Variants in RXFP2 observed in about 807,000 individuals in gnomAD.
The protein encoded by RXFP2 is relaxin receptor 2.
Under a neutral mutation model 88.6 loss-of-function variants are expected in RXFP2, and 68 were observed. The ratio of observed to expected loss-of-function variants is 0.77; its 90% CI spans 0.63 to 0.94. RXFP2 has a LOEUF of 0.94. Among genes scored for constraint, RXFP2 ranks in the 40% least tolerant of loss-of-function variants. The pLI is 0.00. For missense variants in RXFP2, 791 were observed against 893.9 expected, an observed-to-expected ratio of 0.88 and a Z score of 1.47; for synonymous variants, 329 against 306.8, an observed-to-expected ratio of 1.07 and a Z score of -0.76.
rs757767855 is a variant in RXFP2, at chr13:31,791,939, T to C, written c.1279T>C (p.Phe427Leu). The C allele has an allele frequency of 6.2e-7, 1 of 1,614,194 alleles. No individual in the cohort carries two copies. Among genetic ancestry groups the C allele is most frequent in the Non-Finnish European group, 8.5e-7 (1 of 1,180,004 alleles). ...CAGAATATTTGTCTGGGTTATAGCTTTCATTACCTGCTTTGGAAATCTTTT... is the reference window on the plus strand; with the variant it reads ...CAGAATATTTGTCTGGGTTATAGCTCTCATTACCTGCTTTGGAAATCTTTT... ...ILRIFVWVIA[F>L]ITCFGNLFVI... The change falls in exon 15 of 18, where the codon TTC becomes CTC. Residue 427 changes from phenylalanine (F) to leucine (L), a missense_variant. Physicochemically the swap from Phe to Leu is conservative, Grantham distance 22. Coordinates refer to ENST00000298386, the MANE Select transcript of RXFP2 (RefSeq NM_130806.5).
chr13:31,780,480 G>GA (rs1873214690), intron 9 of RXFP2, among the ~76,000 whole-genome samples: 1 of 152,174 alleles, frequency 6.6e-6, no homozygotes, highest in Non-Finnish European at 1.5e-5. Context: ...TATATTGTGT[G>GA]AAAAATGTAC....
intron 17 of RXFP2, among the ~76,000 whole-genome samples, chr13:31,800,555 G>A (rs1165359828): frequency 6.6e-6 from 1 of 152,206 alleles, no homozygotes; most frequent in Non-Finnish European, 1.5e-5. Flanking sequence ...CTGGGCGACA[G>A]AGTGAGACTC....
intron 1 of RXFP2, among the ~76,000 whole-genome samples, chr13:31,754,297 G>A (rs560275709): frequency 7.2e-5 from 11 of 152,354 alleles, no homozygotes; most frequent in South Asian, 2.1e-4. Context: ...TTGGGAGGCC[G>A]AAGCGGGTGG....
intron 5 of RXFP2, among the ~76,000 whole-genome samples, chr13:31,772,039 A>G (rs1872754275): frequency 6.6e-6 from 1 of 152,158 alleles, no homozygotes; most frequent in African/African-American, 2.4e-5. Flanking sequence ...TGTTTTTACC[A>G]TTGATCAGTT....
intron 1 of RXFP2, among the ~76,000 whole-genome samples, chr13:31,749,460 C>T (rs868104667): frequency 1.2e-4 from 19 of 152,296 alleles, no homozygotes; most frequent in African/African-American, 4.3e-4. Context: ...TCAACTTATC[C>T]ATTCCTACAC....
chr13:31,793,674 C>T (rs796695611), intron 16 of RXFP2, among the ~76,000 whole-genome samples: 38 of 152,138 alleles, frequency 2.5e-4, no homozygotes, highest in African/African-American at 8.9e-4. Context: ...AAATTTAGCC[C>T]TTTAAAGTTA....
intron 1 of RXFP2, among the ~76,000 whole-genome samples, chr13:31,740,748 T>A (rs1397784313): frequency 5.3e-5 from 8 of 152,020 alleles, no homozygotes; most frequent in Admixed American, 4.6e-4. Flanking sequence ...AATCTATATC[T>A]CCATGCACCT....
At chr13:31,743,502 T>C (rs537202955) in intron 1 of RXFP2, among the ~76,000 whole-genome samples, 1 of 151,990 alleles carries the variant, frequency 6.6e-6, no homozygotes, top group African/African-American at 2.4e-5. Context: ...GAATTGCGAT[T>C]GAAAATTTAA....
intron 16 of RXFP2, among the ~76,000 whole-genome samples, chr13:31,795,276 A>G (rs1873976288): frequency 6.6e-6 from 1 of 151,936 alleles, no homozygotes; most frequent in African/African-American, 2.4e-5. Context: ...CAGACTCCCA[A>G]GTAGCTGGGA....
intron 7 of RXFP2, among the ~76,000 whole-genome samples, chr13:31,776,110 C>CTTTCT (rs1555284079): frequency 1.4e-4 from 19 of 138,358 alleles, no homozygotes; most frequent in African/African-American, 4.7e-4. Context: ...TCTTTTCTTT[C>CTTTCT]TTTCTTTCTT....
chr13:31,802,072 C>T (rs1373279039), intron 17 of RXFP2, 74 bp from the exon 18 acceptor site: 19 of 1,457,614 alleles, frequency 1.3e-5, no homozygotes. Flanking sequence ...ATAGCATTGA[C>T]TGCAAAGTGT....
intron 1 of RXFP2, among the ~76,000 whole-genome samples, chr13:31,749,905 T>A: frequency 6.6e-6 from 1 of 152,204 alleles, no homozygotes; most frequent in East Asian, 1.9e-4. Context: ...CAACAATGAA[T>A]AGATATAGTA....
In RXFP2 at chr13:31,802,326, T is replaced by C; in HGVS notation, c.2186T>C (p.Ile729Thr). 1 of 1,612,886 alleles carries C rather than the reference T, an allele frequency of 6.2e-7. No individual in the cohort carries two copies. The highest frequency in any genetic ancestry group is 8.5e-7 in the Non-Finnish European group (1 of 1,178,870). ...KKSLSTSIVW[I>T]EDSSSLKLGV... ...AGTTTATCTACATCCATTGTGTGGATAGAGGACTCCTCTTCCCTGAAACTT... is the reference window on the plus strand; with the variant it reads ...AGTTTATCTACATCCATTGTGTGGACAGAGGACTCCTCTTCCCTGAAACTT... The change falls in exon 18 of 18, where the codon ATA becomes ACA. Residue 729 changes from isoleucine to threonine, a missense_variant. Transcript: ENST00000298386.
chr13:31,786,616 G>C lies in RXFP2; in HGVS notation c.1052G>C (p.Ser351Thr), dbSNP rs781765832. ...LMYLHKNQFE[S>T]LKQLQSLDLE... ...TATCTTCACAAGAACCAGTTTGAAAGTCTTAAACAACTTCAGTCTCTGTAA... is the reference window on the plus strand; with the variant it reads ...TATCTTCACAAGAACCAGTTTGAAACTCTTAAACAACTTCAGTCTCTGTAA... Residue 351 changes from serine to threonine, a missense_variant, in exon 13 of 18, where the codon AGT becomes ACT. Ser to Thr is a moderately conservative substitution (Grantham distance 58). Transcript: ENST00000298386. 1.4e-5 allele frequency: 22 copies of C among 1,598,466 alleles called. No homozygotes were observed. Among genetic ancestry groups the C allele is most frequent in the Non-Finnish European group, 1.9e-5 (22 of 1,166,890 alleles).
At chr13:31,798,630 G>A (rs1357799382) in intron 17 of RXFP2, among the ~76,000 whole-genome samples, 1 of 152,162 alleles carries the variant, frequency 6.6e-6, no homozygotes, top group Non-Finnish European at 1.5e-5. Flanking sequence ...AAAAGTGTCC[G>A]TTGGCCTCCA....
intron 16 of RXFP2, among the ~76,000 whole-genome samples, chr13:31,794,404 A>ACACACCCC (rs1464700526): frequency 8.7e-6 from 1 of 114,314 alleles, no homozygotes; most frequent in African/African-American, 3.1e-5. Context: ...ACACACACAC[A>ACACACCCC]CACACCATGA....
At chr13:31,781,632 C>A (rs759568752) in intron 9 of RXFP2, 39 bp from the exon 10 acceptor site, 3 of 1,436,864 alleles carry the variant, frequency 2.1e-6, no homozygotes, top group African/African-American at 2.8e-5. Context: ...ATGATTTGTA[C>A]AAAAAATATT....
At chr13:31,746,658 G>A (rs1415806053) in intron 1 of RXFP2, among the ~76,000 whole-genome samples, 14 of 152,096 alleles carry the variant, frequency 9.2e-5, no homozygotes, top group African/African-American at 3.1e-4. Context: ...TTTTTTATTC[G>A]ATTATAGCTC....
intron 6 of RXFP2, among the ~76,000 whole-genome samples, 188 bp from the exon 7 acceptor site, chr13:31,775,130 A>T (rs2138429698): frequency 6.6e-6 from 1 of 152,318 alleles, no homozygotes; most frequent in African/African-American, 2.4e-5. Flanking sequence ...GGTGTTGCAC[A>T]CACTGGGCTT....
Sources: allele counts gnomAD v4.1 joint callset (sites outside exome capture counted in the v4.1 genomes callset), GRCh38; gene constraint gnomAD v4.1.1; transcripts MANE v1.5; gene names NCBI Gene and HGNC (gene_info 2026-07-23, HGNC 2026-07-21).